ZDHHC15: variants seen among roughly 807,000 people sequenced by gnomAD.
ZDHHC15 encodes the protein palmitoyltransferase ZDHHC15.
ZDHHC15 carries 19 observed loss-of-function variants against 31.7 expected under a neutral mutation model. That is an observed-to-expected ratio of 0.60 (90% confidence interval 0.42 to 0.88). ZDHHC15 has a LOEUF of 0.88. Among genes scored for constraint, ZDHHC15 ranks in the 40% least tolerant of loss-of-function variants. The pLI is 0.00. For synonymous variants in ZDHHC15, 103 were observed against 90.0 expected, an observed-to-expected ratio of 1.14 and a Z score of -0.82; for missense variants, 209 against 251.2, an observed-to-expected ratio of 0.83 and a Z score of 1.14.
intron 2 of ZDHHC15, among the ~76,000 whole-genome samples, chrX:75,494,640 C>G (rs1488856767): frequency 1.8e-5 from 2 of 111,923 alleles, no homozygotes; most frequent in African/African-American, 6.5e-5. Context: ...TTATCTACAA[C>G]CATCTGATCT....
chrX:75,505,399 G>A lies in ZDHHC15; in HGVS notation c.163+422C>T, dbSNP rs769535433. On this transcript the variant is annotated intron_variant, in intron 2 of 11. Coordinates refer to ENST00000373367, the MANE Select transcript of ZDHHC15 (RefSeq NM_144969.3). ...AGCCAAGATGGTGGTGAGGAGCAGA[G>A]AGGAGCACAATAAATATACTGGAAC... 4.5e-5 allele frequency among the ~76,000 whole-genome samples: 5 copies of A among 111,301 alleles called. No individual in the cohort carries two copies. In the South Asian group the frequency reaches 1.5e-3, roughly 34 times the overall value.
intron 2 of ZDHHC15, among the ~76,000 whole-genome samples, chrX:75,497,167 C>T (rs1025728482): frequency 4.5e-5 from 5 of 111,123 alleles, no homozygotes; most frequent in African/African-American, 1.6e-4. Context: ...CAACTGATAG[C>T]ACAGAAATAC....
intron 4 of ZDHHC15, among the ~76,000 whole-genome samples, chrX:75,444,687 T>TACACACACACAC (rs1172357698): frequency 2.0e-4 from 6 of 29,505 alleles, no homozygotes; most frequent in East Asian, 1.2e-3. Context: ...TATATATATA[T>TACACACACACAC]ACACACACAC....
At chrX:75,450,031 C>A (rs1231394516) in intron 4 of ZDHHC15, among the ~76,000 whole-genome samples, 1 of 111,697 alleles carries the variant, frequency 9.0e-6, no homozygotes, top group Non-Finnish European at 1.9e-5. Flanking sequence ...TAACTAAACA[C>A]TAGAAACAAC....
At chrX:75,423,728 T>C (rs887162768) in intron 8 of ZDHHC15, among the ~76,000 whole-genome samples, 1 of 107,865 alleles carries the variant, frequency 9.3e-6, no homozygotes, top group African/African-American at 3.4e-5. Context: ...TCAGCTCAAG[T>C]GATTCTCCTG....
At chrX:75,493,952 G>A (rs1021189607) in intron 2 of ZDHHC15, among the ~76,000 whole-genome samples, 7 of 111,471 alleles carry the variant, frequency 6.3e-5, no homozygotes, top group Non-Finnish European at 1.3e-4. Context: ...GCAGGGGAAG[G>A]AAATAAAGGG....
At chrX:75,415,728 T>C (rs1490630828) in intron 10 of ZDHHC15, among the ~76,000 whole-genome samples, 1 of 112,623 alleles carries the variant, frequency 8.9e-6, no homozygotes, top group Admixed American at 9.4e-5. Flanking sequence ...CTTTGTAAAC[T>C]ATAAAATAAC....
chrX:75,503,196 T>A (rs2085112598), intron 2 of ZDHHC15, among the ~76,000 whole-genome samples: 1 of 110,419 alleles, frequency 9.1e-6, no homozygotes, highest in Non-Finnish European at 1.9e-5. Flanking sequence ...ATATTATATA[T>A]CTATAATATT....
rs190571251 is a variant in ZDHHC15 at position 75,497,254 on chromosome X, A to G, written c.163+8567T>C. On this transcript the variant is annotated intron_variant, in intron 2 of 11. Coordinates refer to ENST00000373367, the MANE Select transcript of ZDHHC15 (RefSeq NM_144969.3). ...ACCTAGAGGAGATGGATAAATTCCTAGAAATATTCAAGCTTCCTAGATTAA... is the reference window on the plus strand; with the variant it reads ...ACCTAGAGGAGATGGATAAATTCCTGGAAATATTCAAGCTTCCTAGATTAA... Among the ~76,000 whole-genome samples the G allele has an allele frequency of 2.7e-5, 3 of 111,742 alleles. No individual in the cohort carries two copies. In the East Asian group the frequency reaches 8.5e-4, roughly 32 times the overall value.
chrX:75,452,887 G>A (rs1238348906), intron 3 of ZDHHC15, among the ~76,000 whole-genome samples: 1 of 111,990 alleles, frequency 8.9e-6, no homozygotes, highest in African/African-American at 3.2e-5. Flanking sequence ...AAAGCAGTGT[G>A]TAGATGGAAA....
At chrX:75,422,854 T>C (rs1279857712) in intron 8 of ZDHHC15, among the ~76,000 whole-genome samples, 2 of 109,011 alleles carry the variant, frequency 1.8e-5, no homozygotes, top group Non-Finnish European at 3.8e-5. Flanking sequence ...GTGCACAATG[T>C]GCAGGTTAGT....
rs148017397 is a variant in ZDHHC15, at chrX:75,522,938, G to A, written c.87C>T (p.Val29=). The A allele has an allele frequency of 1.6e-5, 19 of 1,209,991 alleles. No homozygotes were observed. The African/African-American group carries it at 3.3e-4, about 21-fold the overall frequency. ...CATAGTAGGACCAGAGCACGACGAG[G>A]ACAATAACGAGCACTGGCACCCAGG... ...VLSWVPVLVI[V]LVVLWSYYAY... is the part of the protein sequence containing the mutation. The change falls in exon 1 of 12, where the codon GTC becomes GTT. Residue 29 remains valine (V), a synonymous_variant. Transcript: ENST00000373367.
At chrX:75,445,435 A>C (rs926370953) in intron 4 of ZDHHC15, among the ~76,000 whole-genome samples, 7 of 112,051 alleles carry the variant, frequency 6.2e-5, no homozygotes, top group African/African-American at 1.9e-4. Context: ...TATATATGAT[A>C]ATATTTAACA....
intron 9 of ZDHHC15, 98 bp downstream of exon 9, chrX:75,421,766 A>G (rs937592707): frequency 4.8e-5 from 46 of 962,913 alleles, no homozygotes; most frequent in Non-Finnish European, 1.1e-5. Flanking sequence ...AGAGTTTCAC[A>G]CTGGACTGAT....
chrX:75,467,046 AT>A (rs2084418006), intron 3 of ZDHHC15, among the ~76,000 whole-genome samples: 1 of 112,112 alleles, frequency 8.9e-6, no homozygotes, highest in Admixed American at 9.5e-5. Context: ...TGAACTTAAA[AT>A]AAAAGTTTAA....
intron 10 of ZDHHC15, among the ~76,000 whole-genome samples, chrX:75,388,950 T>A (rs1389076958): frequency 8.9e-6 from 1 of 111,748 alleles, no homozygotes; most frequent in Non-Finnish European, 1.9e-5. Flanking sequence ...AAAGAGGCAC[T>A]GAAGAGGGTA....
At chrX:75,479,369 A>C (rs1161501533) in intron 2 of ZDHHC15, among the ~76,000 whole-genome samples, 1 of 112,226 alleles carries the variant, frequency 8.9e-6, no homozygotes, top group Non-Finnish European at 1.9e-5. Context: ...ATATTATTTC[A>C]TTTTATTTTC....
intron 10 of ZDHHC15, among the ~76,000 whole-genome samples, chrX:75,396,931 A>G (rs2083304641): frequency 8.9e-6 from 1 of 111,782 alleles, no homozygotes; most frequent in Non-Finnish European, 1.9e-5. Context: ...TGGGGAGCTA[A>G]AAATTAAAAC....
intron 10 of ZDHHC15, among the ~76,000 whole-genome samples, chrX:75,382,782 G>A (rs759470180): frequency 8.9e-6 from 1 of 112,143 alleles, no homozygotes; most frequent in African/African-American, 3.2e-5. Flanking sequence ...TTTGGTGAAA[G>A]ATATCAGGTT....
Sources: allele counts gnomAD v4.1 joint callset (sites outside exome capture counted in the v4.1 genomes callset), GRCh38; gene constraint gnomAD v4.1.1; transcripts MANE v1.5; gene names NCBI Gene and HGNC (gene_info 2026-07-23, HGNC 2026-07-21).